Variants in TRPM6 observed in about 807,000 individuals in gnomAD.
TRPM6 encodes channel kinase 2.
Under a neutral mutation model 247.6 loss-of-function variants are expected in TRPM6, and 111 were observed. That is an observed-to-expected ratio of 0.45 (90% CI 0.38 to 0.52). The LOEUF (loss-of-function observed/expected upper bound fraction) is 0.52. Among genes scored for constraint, TRPM6 ranks in the 20% least tolerant of loss-of-function variants. The pLI is 0.00. For synonymous variants in TRPM6, 892 were observed against 853.8 expected, an observed-to-expected ratio of 1.04 and a Z score of -0.78; for missense variants, 2,126 against 2,421.5, an observed-to-expected ratio of 0.88 and a Z score of 2.56.
intron 32 of TRPM6, among the ~76,000 whole-genome samples, chr9:74,743,308 T>TTTTGTTTGTTCAG (rs1825923339): frequency 6.6e-6 from 1 of 152,224 alleles, no homozygotes. Flanking sequence ...TACTAGACCC[T>TTTTGTTTGTTCAG]GAACAAACAA....
chr9:74,875,281 G>A (rs1375175442), intron 1 of TRPM6: 7 of 454,340 alleles, frequency 1.5e-5, no homozygotes, highest in Non-Finnish European at 2.6e-5. Flanking sequence ...GGTGACTCAC[G>A]CCTGTAATCC....
chr9:74,854,338 A>G (rs915877327), intron 3 of TRPM6, among the ~76,000 whole-genome samples: 2 of 152,192 alleles, frequency 1.3e-5, no homozygotes, highest in African/African-American at 4.8e-5. Context: ...TTTCTAAAGA[A>G]TATAGTAGAA....
Position 74,827,908 on chromosome 9 carries a change from C to T in TRPM6, c.711G>A (p.Lys237=), listed in dbSNP as rs192911802. The part of the protein sequence containing the change: ...LYQTLDNPLS[K]LTTLNSMHSH... ...AGTGCATGCTGTTGAGTGTTGTGAG[C>T]TTGCTGAGGGGGTTATCCAGAGTCT... The change falls in exon 7 of 39, where the codon AAG becomes AAA. Residue 237 remains lysine, a synonymous_variant. Coordinates refer to ENST00000360774, the MANE Select transcript of TRPM6 (RefSeq NM_017662.5). The T allele has an allele frequency of 8.1e-6, 13 of 1,614,026 alleles. No homozygotes were observed. Among genetic ancestry groups the T allele is most frequent in the Admixed American group, 1.7e-5 (1 of 60,002 alleles).
At chr9:74,818,064 T>G (rs547769816) in intron 9 of TRPM6, among the ~76,000 whole-genome samples, 12 of 152,134 alleles carry the variant, frequency 7.9e-5, no homozygotes, top group Non-Finnish European at 1.6e-4. Context: ...AGTCCTCAAT[T>G]GTACAACCCA....
intron 5 of TRPM6, 72 bp downstream of exon 5, chr9:74,839,952 A>G: frequency 8.8e-7 from 1 of 1,130,324 alleles, no homozygotes; most frequent in Non-Finnish European, 1.3e-6. Context: ...GGAAAAAAGA[A>G]AAGAGGGAGA....
intron 36 of TRPM6, chr9:74,737,375 C>T: frequency 7.8e-7 from 1 of 1,289,674 alleles, no homozygotes; most frequent in Non-Finnish European, 1.0e-6. Flanking sequence ...TCATGATGCC[C>T]CAGGACTGTC....
chr9:74,729,314 G>T (rs1359227897), intron 37 of TRPM6, among the ~76,000 whole-genome samples: 1 of 152,140 alleles, frequency 6.6e-6, no homozygotes, highest in Non-Finnish European at 1.5e-5. Context: ...TAAGGAATGC[G>T]GTTTTTCAAA....
chr9:74,834,583 T>C (rs1829657547), intron 5 of TRPM6, among the ~76,000 whole-genome samples: 1 of 152,032 alleles, frequency 6.6e-6, no homozygotes, highest in Admixed American at 6.6e-5. Context: ...CCTTTAGGTA[T>C]TTCTCCTAAT....
chr9:74,775,741 C>G (rs1018206376), intron 24 of TRPM6, 142 bp downstream of exon 24: 1 of 860,620 alleles, frequency 1.2e-6, no homozygotes, highest in Non-Finnish European at 1.9e-6. Context: ...TACTCAGACC[C>G]AGAGCATCAG....
chr9:74,785,681 C>T (rs1827628654), intron 21 of TRPM6, among the ~76,000 whole-genome samples, 193 bp downstream of exon 21: 1 of 152,100 alleles, frequency 6.6e-6, no homozygotes, highest in Admixed American at 6.6e-5. Flanking sequence ...CACCACCATG[C>T]CCGGCTAATT....
chr9:74,762,411 T>C lies in TRPM6; in HGVS notation c.4260A>G (p.Ala1420=), dbSNP rs146384120. 3.7e-6 allele frequency: 6 copies of C among 1,614,116 alleles called. No homozygotes were observed. The African/African-American group carries it at 8.0e-5, about 22-fold the overall frequency. Residue 1420 remains alanine, a synonymous_variant, in exon 26 of 39, where the codon GCA becomes GCG. Transcript: ENST00000360774. ...AACTCAAAGTGGGTAGCACTTGCTC[T>C]GCCTTGTCTTGTCCATCCAGTAAGT... ...IAHLLDGQDK[A]EQVLPTLSCT...
chr9:74,817,196 A>G lies in TRPM6; in HGVS notation c.1135-232T>C, dbSNP rs79569485. ...CATATCCAGAGGAAACATTTATGAA[A>G]GAATGTTATTACATGAATTTACTAT... On this transcript the variant is annotated intron_variant, in intron 9 of 38. Transcript: ENST00000360774. Among the ~76,000 whole-genome samples, 1,131 of 152,366 alleles carry G rather than the reference A, an allele frequency of 7.4e-3. 19 individuals are homozygous for G. The highest frequency in any genetic ancestry group is 0.026 in the African/African-American group (1,096 of 41,580).
At chr9:74,851,705 C>T (rs868480200) in intron 3 of TRPM6, among the ~76,000 whole-genome samples, 178 of 149,594 alleles carry the variant, frequency 1.2e-3, no homozygotes, top group African/African-American at 3.9e-3. Flanking sequence ...GCCAAGATTG[C>T]GCCACTGCGC....
intron 25 of TRPM6, among the ~76,000 whole-genome samples, chr9:74,766,139 A>G (rs1487002896): frequency 6.6e-6 from 1 of 152,246 alleles, no homozygotes; most frequent in African/African-American, 2.4e-5. Flanking sequence ...CAGCAGTCAC[A>G]TCGAATGGAT....
At chr9:74,855,616 A>G (rs1224519915) in intron 2 of TRPM6, 51 bp from the exon 3 acceptor site, 8 of 1,156,198 alleles carry the variant, frequency 6.9e-6, no homozygotes, top group East Asian at 2.3e-5. Context: ...ATCTGAAAAT[A>G]CATTTAATGC....
chr9:74,724,599 T>C lies in TRPM6; in HGVS notation c.*14A>G, dbSNP rs1176845707. On this transcript the variant is annotated 3_prime_UTR_variant, in exon 39 of 39. Transcript: ENST00000360774. ...AGGCAGGGCAAGCACTGGGATCTTCTTGCTCCTCCCTTTTTATAGTTGCAT... is the reference window on the plus strand; with the variant it reads ...AGGCAGGGCAAGCACTGGGATCTTCCTGCTCCTCCCTTTTTATAGTTGCAT... 1 of 1,614,160 alleles carries C rather than the reference T, an allele frequency of 6.2e-7. No individual in the cohort carries two copies. The highest frequency in any genetic ancestry group is 8.5e-7 in the Non-Finnish European group (1 of 1,180,012).
intron 25 of TRPM6, among the ~76,000 whole-genome samples, chr9:74,769,983 C>T (rs569039296): frequency 1.3e-4 from 20 of 152,118 alleles, no homozygotes; most frequent in African/African-American, 4.6e-4. Context: ...GGGCGCAGAA[C>T]GTGTAGAAGA....
At chr9:74,887,472 C>A (rs1831575019) in intron 1 of TRPM6, 10 of 989,922 alleles carry the variant, frequency 1.0e-5, no homozygotes, top group Non-Finnish European at 1.2e-5. Context: ...CGGCCCGGAG[C>A]GGAATCAGAG....
At chr9:74,797,355 G>A (rs930012071) in intron 17 of TRPM6, among the ~76,000 whole-genome samples, 1 of 152,132 alleles carries the variant, frequency 6.6e-6, no homozygotes. Flanking sequence ...CGACCCCAAG[G>A]ATACCAAAAT....
Sources: allele counts gnomAD v4.1 joint callset (sites outside exome capture counted in the v4.1 genomes callset), GRCh38; gene constraint gnomAD v4.1.1; transcripts MANE v1.5; gene names NCBI Gene and HGNC (gene_info 2026-07-23, HGNC 2026-07-21).